The following MEGF11 variants were observed in gnomAD, a reference collection of about 807,000 sequenced individuals.
MEGF11 encodes the protein multiple EGF like domains 11.
A neutral mutation model predicts 146.6 loss-of-function variants in MEGF11; 126 were observed. The ratio of observed to expected loss-of-function variants is 0.86; its 90% CI spans 0.74 to 1.00. The LOEUF (loss-of-function observed/expected upper bound fraction) is 1.00. MEGF11 is among the 50% of genes least tolerant of loss of function. The pLI, the probability that MEGF11 is intolerant of heterozygous loss-of-function variation, is 0.00. For synonymous variants in MEGF11, 532 were observed against 583.4 expected, an observed-to-expected ratio of 0.91 and a Z score of 1.27; for missense variants, 1,509 against 1,521.2, an observed-to-expected ratio of 0.99 and a Z score of 0.13.
chr15:66,055,053 G>A (rs1016000723), intron 5 of MEGF11, among the ~76,000 whole-genome samples: 1 of 152,142 alleles, frequency 6.6e-6, no homozygotes, highest in Non-Finnish European at 1.5e-5. Context: ...TGGGTGACTG[G>A]GTAGCCATCC....
chr15:66,101,847 C>G (rs1329663941), intron 4 of MEGF11, among the ~76,000 whole-genome samples: 2 of 152,178 alleles, frequency 1.3e-5, no homozygotes, highest in Non-Finnish European at 2.9e-5. Flanking sequence ...ATTCCAGTGA[C>G]TCTGCATCAA....
intron 1 of MEGF11, among the ~76,000 whole-genome samples, chr15:66,234,754 C>T (rs1453701117): frequency 6.6e-6 from 1 of 152,234 alleles, no homozygotes; most frequent in Non-Finnish European, 1.5e-5. Context: ...TGCTGCTGCC[C>T]CATAAATCTC....
chr15:66,033,638 A>C (rs2083614496), intron 5 of MEGF11, among the ~76,000 whole-genome samples: 1 of 152,230 alleles, frequency 6.6e-6, no homozygotes, highest in South Asian at 2.1e-4. Context: ...GATCCCAGCA[A>C]GGCTATGGGG....
At chr15:66,029,259 G>T (rs1187583010) in intron 5 of MEGF11, among the ~76,000 whole-genome samples, 1 of 152,122 alleles carries the variant, frequency 6.6e-6, no homozygotes, top group Non-Finnish European at 1.5e-5. Flanking sequence ...TGGGGGTTGA[G>T]CCAGGGAGGG....
chr15:65,971,503 G>A (rs1347409444), intron 7 of MEGF11, among the ~76,000 whole-genome samples: 1 of 152,150 alleles, frequency 6.6e-6, no homozygotes, highest in Non-Finnish European at 1.5e-5. Flanking sequence ...CACAGGCTGT[G>A]GACAAGGGAC....
At chr15:65,978,880 G>T (rs1025396294) in intron 7 of MEGF11, among the ~76,000 whole-genome samples, 2 of 152,188 alleles carry the variant, frequency 1.3e-5, no homozygotes, top group African/African-American at 4.8e-5. Flanking sequence ...ACTTGAACAG[G>T]TCCCTTACCC....
intron 4 of MEGF11, among the ~76,000 whole-genome samples, chr15:66,112,383 G>T (rs994123566): frequency 6.6e-6 from 1 of 152,136 alleles, no homozygotes; most frequent in Non-Finnish European, 1.5e-5. Flanking sequence ...CACCAGACAG[G>T]TTAATTAGCA....
At chr15:65,979,622 G>A (rs1468937389) in intron 7 of MEGF11, among the ~76,000 whole-genome samples, 2 of 152,226 alleles carry the variant, frequency 1.3e-5, no homozygotes, top group East Asian at 3.9e-4. Context: ...CTCACTGCCT[G>A]TAAGGGCTTG....
At chr15:66,196,452 C>A (rs1216342065) in intron 1 of MEGF11, among the ~76,000 whole-genome samples, 2 of 151,980 alleles carry the variant, frequency 1.3e-5, no homozygotes, top group African/African-American at 2.4e-5. Context: ...AGCCTGGCAA[C>A]AGAGTGAGAC....
At chr15:65,898,641 G>A (rs768035135) in intron 25 of MEGF11, 87 bp downstream of exon 25, 38 of 1,574,150 alleles carry the variant, frequency 2.4e-5, no homozygotes, top group Non-Finnish European at 3.3e-5. Flanking sequence ...GTGTGGTCAA[G>A]GTGGGGTGAG....
At position 66,211,397 on chromosome 15, in the gene MEGF11, A is replaced by G. The variant is rs376986917; in HGVS notation, c.-9+42208T>C. On this transcript the variant is annotated intron_variant, in intron 1 of 25. Transcript: ENST00000395614. ...AAATTAGCCGAGCATGGTGGCAGGC[A>G]CCTGTAGTCCCAGCTACTCAGGAGG... 2.3e-3 allele frequency among the ~76,000 whole-genome samples: 356 copies of G among 152,014 alleles called. 1 individual carries two copies. Among genetic ancestry groups the G allele is most frequent in the South Asian group, 7.9e-3 (38 of 4,810 alleles).
intron 5 of MEGF11, among the ~76,000 whole-genome samples, chr15:66,060,141 C>A (rs1036367): frequency 0.83 from 125,412 of 151,246 alleles, 54,044 homozygotes; most frequent in East Asian, 0.94. Context: ...GGCCCGGGAC[C>A]GGAGATACTG....
chr15:66,003,385 T>C (rs1450255046), intron 5 of MEGF11, among the ~76,000 whole-genome samples: 5 of 152,176 alleles, frequency 3.3e-5, no homozygotes, highest in Admixed American at 6.5e-5. Flanking sequence ...CAGTGAGTTA[T>C]GGAGGTTTTC....
chr15:66,005,193 A>G (rs1037270717), intron 5 of MEGF11, among the ~76,000 whole-genome samples: 8 of 152,224 alleles, frequency 5.3e-5, no homozygotes, highest in African/African-American at 1.7e-4. Context: ...TGTTCTCCTG[A>G]AACTTCTTCT....
intron 5 of MEGF11, among the ~76,000 whole-genome samples, chr15:66,025,415 C>A (rs573904708): frequency 5.3e-5 from 8 of 152,166 alleles, no homozygotes; most frequent in African/African-American, 1.9e-4. Flanking sequence ...GGGAGAGGGG[C>A]TGGGCTGGAG....
intron 5 of MEGF11, among the ~76,000 whole-genome samples, chr15:66,030,667 C>T (rs2083484624): frequency 6.6e-6 from 1 of 152,192 alleles, no homozygotes; most frequent in African/African-American, 2.4e-5. Context: ...GCCTCGGCCT[C>T]CCAAAGTGCT....
intron 5 of MEGF11, among the ~76,000 whole-genome samples, chr15:66,008,047 C>T (rs1376306520): frequency 1.3e-5 from 2 of 152,182 alleles, no homozygotes; most frequent in Non-Finnish European, 2.9e-5. Context: ...AGTGAAGTGT[C>T]CACTATGCAG....
At chr15:65,944,833 C>T (rs966042393) in intron 10 of MEGF11, among the ~76,000 whole-genome samples, 14 of 151,910 alleles carry the variant, frequency 9.2e-5, no homozygotes, top group African/African-American at 2.4e-4. Flanking sequence ...GGACGGCTGC[C>T]TCTACTGTCC....
chr15:66,057,877 T>C (rs1456273000), intron 5 of MEGF11, among the ~76,000 whole-genome samples: 1 of 152,226 alleles, frequency 6.6e-6, no homozygotes, highest in East Asian at 1.9e-4. Flanking sequence ...GTCTTCTCAA[T>C]ACTTTATTGT....
Sources: gnomAD v4.1 joint callset for allele counts (sites outside exome capture counted in the v4.1 genomes callset) on GRCh38, gnomAD v4.1.1 for gene constraint, MANE v1.5 for transcripts, NCBI Gene and HGNC (gene_info 2026-07-23, HGNC 2026-07-21) for gene names.